PDE10A: variants seen among roughly 807,000 people sequenced by gnomAD.
PDE10A encodes phosphodiesterase 10A, also known as cAMP and cAMP-inhibited cGMP 3',5'-cyclic phosphodiesterase 10A.
PDE10A carries 39 observed loss-of-function variants against 97.7 expected under a neutral mutation model. The ratio of observed to expected loss-of-function variants is 0.40; its 90% confidence interval spans 0.31 to 0.52. PDE10A has a LOEUF of 0.52. PDE10A is among the 20% of genes least tolerant of loss of function. The pLI is 0.56. For synonymous variants in PDE10A, 371 were observed against 376.8 expected (o/e 0.98, Z 0.18); for missense variants, 731 against 1,047.8 (o/e 0.70, Z 4.17).
chr6:165,730,099 T>C (rs111560445), intron 1 of PDE10A, among the ~76,000 whole-genome samples: 3 of 151,070 alleles, frequency 2.0e-5, no homozygotes, highest in Non-Finnish European at 4.4e-5. Context: ...GAAAAAGATA[T>C]ACAAGTGACA....
chr6:165,756,890 G>A (rs1015217180), intron 1 of PDE10A, among the ~76,000 whole-genome samples: 1 of 151,988 alleles, frequency 6.6e-6, no homozygotes, highest in Non-Finnish European at 1.5e-5. Context: ...ATATGTTTCA[G>A]GATCACTATT....
chr6:165,451,407 G>A (rs904375866), intron 3 of PDE10A, among the ~76,000 whole-genome samples: 24 of 152,078 alleles, frequency 1.6e-4, no homozygotes, highest in African/African-American at 5.1e-4. Context: ...CTGTAAACTC[G>A]AAATATAAAA....
chr6:165,924,237 G>A (rs922067332), intron 1 of PDE10A, among the ~76,000 whole-genome samples: 6 of 152,104 alleles, frequency 3.9e-5, no homozygotes, highest in African/African-American at 1.4e-4. Context: ...CTTACATATT[G>A]GATAGAAGAT....
chr6:165,761,634 TATA>T (rs1375646726), intron 1 of PDE10A, among the ~76,000 whole-genome samples: 1 of 152,218 alleles, frequency 6.6e-6, no homozygotes, highest in Non-Finnish European at 1.5e-5. Flanking sequence ...GCTCAATTAT[TATA>T]ATTACAGTTC....
intron 1 of PDE10A, among the ~76,000 whole-genome samples, chr6:165,623,458 A>T (rs1788239815): frequency 6.6e-6 from 1 of 152,112 alleles, no homozygotes; most frequent in Non-Finnish European, 1.5e-5. Flanking sequence ...AGCCTAATAC[A>T]GCCTTTTAAC....
At chr6:165,705,152 G>C (rs932743005) in intron 1 of PDE10A, among the ~76,000 whole-genome samples, 1 of 152,262 alleles carries the variant, frequency 6.6e-6, no homozygotes, top group Admixed American at 6.5e-5. Context: ...GGATGGGGCA[G>C]GGCTCACTGT....
chr6:165,460,230 T>C (rs932535915), intron 3 of PDE10A, among the ~76,000 whole-genome samples: 2 of 152,144 alleles, frequency 1.3e-5, no homozygotes, highest in African/African-American at 4.8e-5. Context: ...GCGGGTACAA[T>C]AGGATTACTT....
chr6:165,740,331 AG>A (rs1792688570), intron 1 of PDE10A, among the ~76,000 whole-genome samples: 2 of 151,942 alleles, frequency 1.3e-5, no homozygotes, highest in Non-Finnish European at 2.9e-5. Context: ...AGAGAGAGAG[AG>A]AGAGAGAGAG....
chr6:165,486,445 G>A (rs1239373130), intron 2 of PDE10A, among the ~76,000 whole-genome samples: 1 of 152,196 alleles, frequency 6.6e-6, no homozygotes, highest in East Asian at 1.9e-4. Flanking sequence ...TGTGGCTGGA[G>A]CTCCTTAGGT....
upstream of PDE10A, among the ~76,000 whole-genome samples, chr6:165,664,598 T>C (rs1487374557): frequency 6.6e-6 from 1 of 152,170 alleles, no homozygotes; most frequent in Non-Finnish European, 1.5e-5. Flanking sequence ...CCCTTGTTTC[T>C]GAATTTTTTC....
At position 165,522,110 on chromosome 6, in the gene PDE10A, T is replaced by C. The variant is rs545038390; in HGVS notation, c.994+21330A>G. Among the ~76,000 whole-genome samples, 168 of 152,270 alleles carry C rather than the reference T, an allele frequency of 1.1e-3. 2 individuals are homozygous for C. The highest frequency in any genetic ancestry group is 3.8e-3 in the African/African-American group (160 of 41,574). On this transcript the variant is annotated intron_variant, in intron 2 of 21. Coordinates refer to ENST00000539869, the MANE Select transcript of PDE10A (RefSeq NM_001385079.1). ...CTTTTGCTGCTTCCACATTTGGCCA[T>C]GAACAGACCAACAATGAGTTCCACA...
chr6:165,747,626 C>T (rs1792872506), intron 1 of PDE10A, among the ~76,000 whole-genome samples: 2 of 151,516 alleles, frequency 1.3e-5, no homozygotes, highest in Admixed American at 1.3e-4. Flanking sequence ...TCCACAGCAT[C>T]AAAGAGAAAG....
chr6:165,341,003 A>G (rs1005608582), intron 19 of PDE10A, among the ~76,000 whole-genome samples: 3 of 152,252 alleles, frequency 2.0e-5, no homozygotes, highest in Non-Finnish European at 4.4e-5. Flanking sequence ...CTGGCACCAA[A>G]GACCACATTA....
chr6:165,770,916 C>T (rs1204102499), intron 1 of PDE10A, among the ~76,000 whole-genome samples: 1 of 152,208 alleles, frequency 6.6e-6, no homozygotes, highest in African/African-American at 2.4e-5. Context: ...CCATTGTCCC[C>T]CCATTCATCC....
At chr6:165,511,276 T>C (rs1333648324) in intron 2 of PDE10A, among the ~76,000 whole-genome samples, 1 of 152,050 alleles carries the variant, frequency 6.6e-6, no homozygotes, top group African/African-American at 2.4e-5. Flanking sequence ...AATTTCTTCA[T>C]TGACCCAATG....
intron 9 of PDE10A, among the ~76,000 whole-genome samples, chr6:165,428,977 G>A (rs143876443): frequency 6.6e-6 from 1 of 152,180 alleles, no homozygotes; most frequent in East Asian, 1.9e-4. Flanking sequence ...AAGTATCAGT[G>A]TAGAGAGAAA....
At chr6:165,634,646 C>T (rs980174331) in intron 1 of PDE10A, among the ~76,000 whole-genome samples, 2 of 152,076 alleles carry the variant, frequency 1.3e-5, no homozygotes, top group Admixed American at 1.3e-4. Context: ...AAACACACGC[C>T]ACAAAAGTGA....
At chr6:165,567,306 G>A (rs1784822414) in intron 1 of PDE10A, among the ~76,000 whole-genome samples, 2 of 152,200 alleles carry the variant, frequency 1.3e-5, no homozygotes, top group Non-Finnish European at 2.9e-5. Flanking sequence ...GGGGACACAA[G>A]AGGGGCTTTC....
rs57175607 is a variant in PDE10A at position 165,384,631 on chromosome 6, A to AGTGTGTGTGT, written c.2610+3657_2610+3666dup. ...TAACGTGTGTGTGTATGTGTGAGTG[A>AGTGTGTGTGT]GTGTGTGTGTGTGTGTGTGTGTGTG... On this transcript the variant is annotated intron_variant, in intron 17 of 21. Transcript: ENST00000539869. 3.3e-3 allele frequency among the ~76,000 whole-genome samples: 218 copies of AGTGTGTGTGT among 67,006 alleles called. 2 individuals are homozygous for AGTGTGTGTGT. Among genetic ancestry groups the AGTGTGTGTGT allele is most frequent in the African/African-American group, 8.1e-3 (129 of 15,902 alleles). 44.0% of individuals were successfully genotyped at this position (67,006 alleles called of 152,430 possible).
Sources: allele counts gnomAD v4.1 joint callset (sites outside exome capture counted in the v4.1 genomes callset), GRCh38; gene constraint gnomAD v4.1.1; transcripts MANE v1.5; gene names NCBI Gene and HGNC (gene_info 2026-07-23, HGNC 2026-07-21).